TNS3: variants seen among roughly 807,000 people sequenced by gnomAD.
TNS3 encodes the protein tensin 3, also known as tensin-3.
In TNS3, 45 loss-of-function variants were observed where a neutral mutation model predicts 140.9. The observed-to-expected ratio is 0.32, with a 90% CI of 0.25 to 0.41. The LOEUF (loss-of-function observed/expected upper bound fraction) is 0.41, where lower values mean the gene tolerates loss of function less well. Ranked by LOEUF, TNS3 falls within the 10% of genes least tolerant of loss-of-function variation. The pLI is 1.00. For synonymous variants in TNS3, 815 were observed against 788.4 expected, an observed-to-expected ratio of 1.03 and a Z score of -0.56; for missense variants, 1,716 against 1,906.7, an observed-to-expected ratio of 0.90 and a Z score of 1.86.
intron 16 of TNS3, among the ~76,000 whole-genome samples, chr7:47,378,290 T>C (rs372421120): frequency 6.6e-6 from 1 of 152,158 alleles, no homozygotes; most frequent in African/African-American, 2.4e-5. Flanking sequence ...GAACATCTAA[T>C]CAGTGAGTAC....
At chr7:47,371,404 G>A (rs1791064097) in intron 16 of TNS3, among the ~76,000 whole-genome samples, 1 of 152,158 alleles carries the variant, frequency 6.6e-6, no homozygotes, top group Admixed American at 6.5e-5. Flanking sequence ...CTTGCCCAAG[G>A]TCAGGCAGCT....
chr7:47,365,520 T>C (rs946764520), intron 17 of TNS3, among the ~76,000 whole-genome samples: 1 of 151,842 alleles, frequency 6.6e-6, no homozygotes, highest in Admixed American at 6.6e-5. Context: ...TCCCAGCACT[T>C]TGGGAAGCCG....
chr7:47,317,090 A>G (rs1787456777), intron 20 of TNS3, among the ~76,000 whole-genome samples: 1 of 152,254 alleles, frequency 6.6e-6, no homozygotes, highest in African/African-American at 2.4e-5. Context: ...AATAATATGA[A>G]ATTTGTTCTA....
At chr7:47,354,519 C>A (rs1214013967) in intron 17 of TNS3, among the ~76,000 whole-genome samples, 1 of 152,174 alleles carries the variant, frequency 6.6e-6, no homozygotes, top group African/African-American at 2.4e-5. Context: ...ACACCCTGAT[C>A]TCTCACACCT....
intron 30 of TNS3, chr7:47,278,764 C>T (rs1199715544): frequency 6.6e-6 from 1 of 152,662 alleles, no homozygotes; most frequent in Admixed American, 6.5e-5. Context: ...ACTACATAGA[C>T]TTCAGGGAGC....
intron 27 of TNS3, among the ~76,000 whole-genome samples, chr7:47,290,078 A>C (rs532302668): frequency 1.3e-5 from 2 of 152,328 alleles, no homozygotes; most frequent in Non-Finnish European, 2.9e-5. Flanking sequence ...GTAGACCCAC[A>C]TGAATATAGT....
At chr7:47,501,387 C>T (rs1253364041) in intron 3 of TNS3, among the ~76,000 whole-genome samples, 1 of 152,156 alleles carries the variant, frequency 6.6e-6, no homozygotes, top group African/African-American at 2.4e-5. Context: ...CACCAGATTC[C>T]ATCCTCCACC....
rs749368559 is a variant in TNS3, at chr7:47,302,230, T to C, written c.3500A>G (p.Asp1167Gly). The stretch of plus-strand genomic sequence containing the variant: ...CGCCTTGTACCAGAACTTGGAAGTG[T>C]CTTGAACAAATTTCACGATCACAAG... ...DKLVIVKFVQ[D>G]TSKFWYKADI... Residue 1167 changes from aspartate to glycine, a missense_variant, in exon 23 of 31, where the codon GAC becomes GGC. Around this residue, in one of 3 missense-constraint regions of TNS3, gnomAD observed 1,163 missense variants for 1,182.1 expected, o/e 0.98. Coordinates refer to ENST00000311160, the MANE Select transcript of TNS3 (RefSeq NM_022748.12). 1 of 1,614,234 alleles carries C rather than the reference T, an allele frequency of 6.2e-7. No homozygotes were observed. Among genetic ancestry groups the C allele is most frequent in the Admixed American group, 1.7e-5 (1 of 60,032 alleles).
chr7:47,490,349 T>C (rs1797765171), intron 3 of TNS3, among the ~76,000 whole-genome samples: 1 of 152,264 alleles, frequency 6.6e-6, no homozygotes, highest in Non-Finnish European at 1.5e-5. Context: ...GACTGATGAT[T>C]ACCTCTACAA....
intron 20 of TNS3, among the ~76,000 whole-genome samples, chr7:47,338,142 T>TA (rs1202818843): frequency 2.6e-5 from 4 of 152,230 alleles, no homozygotes; most frequent in Non-Finnish European, 4.4e-5. Context: ...TTGGGGCTAT[T>TA]AAAGTAAAAA....
chr7:47,493,544 C>T lies in TNS3; in HGVS notation c.-114-12403G>A, dbSNP rs368231321. On this transcript the variant is annotated intron_variant, in intron 3 of 30. Coordinates refer to ENST00000311160, the MANE Select transcript of TNS3 (RefSeq NM_022748.12). ...TAAAGAAGGCTGACAAGAGGCCGGGCGCGGTGGCTCACACCTGTAATCCCA... is the reference window on the plus strand; with the variant it reads ...TAAAGAAGGCTGACAAGAGGCCGGGTGCGGTGGCTCACACCTGTAATCCCA... Among the ~76,000 whole-genome samples, 21 of 151,862 alleles carry T rather than the reference C, an allele frequency of 1.4e-4. 1 individual carries two copies. The South Asian group carries it at 4.2e-3, about 30-fold the overall frequency.
intron 20 of TNS3, among the ~76,000 whole-genome samples, chr7:47,336,605 G>C (rs1181417441): frequency 6.6e-6 from 1 of 152,210 alleles, no homozygotes; most frequent in Non-Finnish European, 1.5e-5. Flanking sequence ...GCCCCAGCTG[G>C]CTCCCAGGCC....
intron 23 of TNS3, 123 bp from the exon 24 acceptor site, chr7:47,297,336 G>T (rs1786096281): frequency 8.3e-7 from 1 of 1,208,354 alleles, no homozygotes; most frequent in Non-Finnish European, 1.1e-6. Flanking sequence ...TGGGGACCTG[G>T]CCGGGATCCC....
chr7:47,285,878 G>A (rs531818787), intron 27 of TNS3, among the ~76,000 whole-genome samples: 102 of 152,316 alleles, frequency 6.7e-4, no homozygotes, highest in African/African-American at 2.3e-3. Flanking sequence ...CCAGCAAGCG[G>A]TAACCAGGAA....
chr7:47,398,857 C>T (rs1210487846), intron 15 of TNS3, among the ~76,000 whole-genome samples: 1 of 151,806 alleles, frequency 6.6e-6, no homozygotes, highest in Non-Finnish European at 1.5e-5. Flanking sequence ...TAAAGGGCAC[C>T]TAAATCGGAA....
At chr7:47,505,314 G>A (rs2151876439) in intron 3 of TNS3, among the ~76,000 whole-genome samples, 1 of 152,308 alleles carries the variant, frequency 6.6e-6, no homozygotes, top group South Asian at 2.1e-4. Flanking sequence ...CACCACTGAA[G>A]GTGCACAGCA....
chr7:47,468,677 A>C (rs1796821474), intron 4 of TNS3, among the ~76,000 whole-genome samples: 1 of 152,238 alleles, frequency 6.6e-6, no homozygotes, highest in African/African-American at 2.4e-5. Flanking sequence ...AGCAATTTAC[A>C]GATTCAATGC....
intron 20 of TNS3, among the ~76,000 whole-genome samples, chr7:47,315,867 A>G (rs933879757): frequency 6.6e-6 from 1 of 152,234 alleles, no homozygotes; most frequent in Non-Finnish European, 1.5e-5. Context: ...TTATTCACTC[A>G]TACATCAATT....
intron 16 of TNS3, among the ~76,000 whole-genome samples, chr7:47,372,717 G>T (rs991864600): frequency 6.6e-6 from 1 of 152,174 alleles, no homozygotes; most frequent in African/African-American, 2.4e-5. Context: ...CAGCCCAGGT[G>T]GCGTTCAACC....
Sources: allele counts gnomAD v4.1 joint callset (sites outside exome capture counted in the v4.1 genomes callset), GRCh38; gene constraint gnomAD v4.1.1; regional missense constraint gnomAD v4.1.1; transcripts MANE v1.5; gene names NCBI Gene and HGNC (gene_info 2026-07-23, HGNC 2026-07-21).